TBCCD1: variants seen among roughly 807,000 people sequenced by gnomAD.
TBCCD1 encodes TBCC domain-containing protein 1.
TBCCD1 carries 26 observed loss-of-function variants against 53.4 expected under a neutral mutation model. The observed-to-expected ratio is 0.49, with a 90% CI of 0.36 to 0.68. TBCCD1 has a LOEUF of 0.68. Among genes scored for constraint, TBCCD1 ranks in the 30% least tolerant of loss-of-function variants. The pLI, the probability that TBCCD1 is intolerant of heterozygous loss-of-function variation, is 0.00. For missense variants in TBCCD1, 558 were observed against 669.5 expected (o/e 0.83, Z 1.84); for synonymous variants, 245 against 241.7 (o/e 1.01, Z -0.13).
At chr3:186,559,807 G>A (rs1237271110) in intron 2 of TBCCD1, among the ~76,000 whole-genome samples, 2 of 152,084 alleles carry the variant, frequency 1.3e-5, no homozygotes, top group Non-Finnish European at 2.9e-5. Flanking sequence ...TACCCGCCTT[G>A]CCAAACTATA....
intron 7 of TBCCD1, among the ~76,000 whole-genome samples, chr3:186,550,027 G>C (rs760628964): frequency 6.6e-6 from 1 of 151,998 alleles, no homozygotes; most frequent in African/African-American, 2.4e-5. Flanking sequence ...AGGAGTTCAA[G>C]ATCAGCCCAG....
In TBCCD1 at chr3:186,556,525, G is replaced by C. The variant is rs1280690593; in HGVS notation, c.743C>G (p.Ser248Cys). 6.2e-6 allele frequency: 10 copies of C among 1,612,880 alleles called. No individual in the cohort carries two copies. The highest frequency in any genetic ancestry group is 8.5e-6 in the Non-Finnish European group (10 of 1,179,816). The change falls in exon 4 of 8, where the codon TCT becomes TGT. Residue 248 changes from serine to cysteine, a missense_variant. Physicochemically the swap from Ser to Cys is moderately radical, Grantham distance 112 (BLOSUM62 -1). Transcript: ENST00000338733. ...CAGTTTGTAGAAAGAGAAAGTCTTAGAGATCTTTGAGAAGCCACTATCTGC... is the reference window on the plus strand; with the variant it reads ...CAGTTTGTAGAAAGAGAAAGTCTTACAGATCTTTGAGAAGCCACTATCTGC... ...LHADSGFSKI[S>C]KTFSFYKLET...
intron 7 of TBCCD1, among the ~76,000 whole-genome samples, chr3:186,547,367 C>G (rs1238941630): frequency 2.0e-5 from 3 of 151,714 alleles, no homozygotes; most frequent in Non-Finnish European, 4.4e-5. Context: ...AAGAGATCCT[C>G]CAGTCTGTGT....
At chr3:186,549,836 C>T (rs1714318219) in intron 7 of TBCCD1, among the ~76,000 whole-genome samples, 1 of 152,156 alleles carries the variant, frequency 6.6e-6, no homozygotes, top group Non-Finnish European at 1.5e-5. Context: ...TAGTATTTTA[C>T]ATTTCTTTAA....
intron 4 of TBCCD1, 42 bp downstream of exon 4, chr3:186,556,362 CTTAAG>C (rs773088598): frequency 3.8e-6 from 6 of 1,561,804 alleles, no homozygotes; most frequent in East Asian, 4.6e-5. Flanking sequence ...CACTAGGTTC[CTTAAG>C]TTGTCATTCA....
At position 186,558,423 on chromosome 3, in the gene TBCCD1, ATG is replaced by A; in HGVS notation, c.484_485del (p.His162Ter). Reference sequence around the variant, plus strand: ...ATCAAGATATAAGGAGTACCTTATTATGACAATTAGATTTTTCAGTCAGGTCA... The same window carrying A: ...ATCAAGATATAAGGAGTACCTTATTAACAATTAGATTTTTCAGTCAGGTCA... ...SPDLTEKSNC[H>X]NKNWNDYSHQ... On this transcript the variant is annotated frameshift_variant, in exon 3 of 8. Transcript: ENST00000338733. LOFTEE classifies it high-confidence loss of function. The A allele has an allele frequency of 6.2e-7, 1 of 1,613,942 alleles. No homozygotes were observed. Among genetic ancestry groups the A allele is most frequent in the Non-Finnish European group, 8.5e-7 (1 of 1,179,962 alleles).
rs1426317136 is a variant in TBCCD1, at chr3:186,554,967, G to C, written c.977C>G (p.Thr326Ser). The C allele has an allele frequency of 8.1e-6, 13 of 1,613,848 alleles. No individual in the cohort carries two copies. Among genetic ancestry groups the C allele is most frequent in the African/African-American group, 1.3e-5 (1 of 74,920 alleles). The change falls in exon 5 of 8, where the codon ACT (threonine) becomes AGT (serine). Residue 326 changes from threonine to serine, a missense_variant. Physicochemically the swap from Thr to Ser is moderately conservative, Grantham distance 58 (BLOSUM62 1). Coordinates refer to ENST00000338733, the MANE Select transcript of TBCCD1 (RefSeq NM_018138.5). ...AATCTTTACATGTGCCCCCGCCAGA[G>C]TGTCTGAGCTCTTAGCCAGTGTCTG... is the stretch of plus-strand genomic sequence containing the variant. ...YKQTLAKSSD[T>S]LAGAHVKIHR...
At chr3:186,567,489 G>C (rs1462622343), upstream of TBCCD1, 1 of 152,158 alleles carries the variant, frequency 6.6e-6, no homozygotes. Flanking sequence ...GTCCGCAACA[G>C]TGGCACCTGG....
chr3:186,570,305 A>G, upstream of TBCCD1: 2 of 543,358 alleles, frequency 3.7e-6, no homozygotes, highest in Non-Finnish European at 6.6e-6. Flanking sequence ...TTCGGAGCGT[A>G]GCTGGGTATG....
rs756948477 is a variant in TBCCD1, at chr3:186,555,136, C to G, written c.860-52G>C. The G allele has an allele frequency of 1.5e-5, 23 of 1,523,806 alleles. No individual in the cohort carries two copies. In the South Asian group the frequency reaches 2.5e-4, roughly 17 times the overall value. The allele number at this position is 1,523,806 out of a possible 1,614,324, so 94.4% of individuals were successfully genotyped here. ...GAGGCAGTATCAAATCAAAGAAAAACAAACAAACATATGAGGTTACACGTC... is the reference window on the plus strand; with the variant it reads ...GAGGCAGTATCAAATCAAAGAAAAAGAAACAAACATATGAGGTTACACGTC... On this transcript the variant is annotated intron_variant, in intron 4 of 7. Coordinates refer to ENST00000338733, the MANE Select transcript of TBCCD1 (RefSeq NM_018138.5).
In TBCCD1 at chr3:186,564,268, T is replaced by A. The variant is rs1714766200; in HGVS notation, c.62A>T (p.Gln21Leu). The part of the protein sequence containing the change: ...KAEPFIVGAL[Q>L]VPPPSKFSLH... ...ACTAAACTTGGATGGAGGGGGGACC[T>A]GCAAGGCACCCACTATAAAGGGTTC... The change falls in exon 2 of 8, where the codon CAG becomes CTG. Residue 21 changes from glutamine (Q) to leucine (L), a missense_variant. Coordinates refer to ENST00000338733, the MANE Select transcript of TBCCD1 (RefSeq NM_018138.5). The A allele has an allele frequency of 1.2e-6, 2 of 1,614,194 alleles. No homozygotes were observed. The highest frequency in any genetic ancestry group is 1.7e-6 in the Non-Finnish European group (2 of 1,180,030).
chr3:186,570,284 C>T (rs1413569808), upstream of TBCCD1: 1 of 559,232 alleles, frequency 1.8e-6, no homozygotes, highest in Non-Finnish European at 3.2e-6. Flanking sequence ...CGCTGTACCT[C>T]TGCTCCCTCA....
At chr3:186,562,804 C>T (rs1714725231) in intron 2 of TBCCD1, among the ~76,000 whole-genome samples, 2 of 151,940 alleles carry the variant, frequency 1.3e-5, no homozygotes, top group Admixed American at 1.3e-4. Flanking sequence ...TATACTTATC[C>T]CCAAACTGAT....
In TBCCD1 at chr3:186,563,980, A is replaced by C; in HGVS notation, c.336+14T>G. 1 of 1,586,376 alleles carries C rather than the reference A, an allele frequency of 6.3e-7. No individual in the cohort carries two copies. The highest frequency in any genetic ancestry group is 1.4e-5 in the African/African-American group (1 of 74,032). On this transcript the variant is annotated intron_variant, in intron 2 of 7. Coordinates refer to ENST00000338733, the MANE Select transcript of TBCCD1 (RefSeq NM_018138.5). Reference sequence around the variant, plus strand: ...TCCAAAAGTAATTAAGTATACACACATATCAATCCGTACCTGATTTCTCTG... The same window carrying C: ...TCCAAAAGTAATTAAGTATACACACCTATCAATCCGTACCTGATTTCTCTG...
chr3:186,557,659 T>C (rs1007771846), intron 3 of TBCCD1, among the ~76,000 whole-genome samples: 10 of 152,082 alleles, frequency 6.6e-5, no homozygotes, highest in Admixed American at 6.6e-4. Context: ...AATAGCTGCT[T>C]GTAAGGGCCA....
intron 6 of TBCCD1, among the ~76,000 whole-genome samples, chr3:186,552,568 G>C (rs1004796770): frequency 6.6e-6 from 1 of 152,086 alleles, no homozygotes; most frequent in African/African-American, 2.4e-5. Flanking sequence ...TACAATTATA[G>C]TTTTAGCTCT....
At chr3:186,548,202 G>A (rs896883532) in intron 7 of TBCCD1, among the ~76,000 whole-genome samples, 9 of 152,196 alleles carry the variant, frequency 5.9e-5, no homozygotes, top group Admixed American at 3.9e-4. Context: ...AAAGAATGCA[G>A]TACTGATACA....
intron 1 of TBCCD1, among the ~76,000 whole-genome samples, chr3:186,566,567 C>T (rs1210210614): frequency 6.6e-6 from 1 of 152,158 alleles, no homozygotes; most frequent in Non-Finnish European, 1.5e-5. Context: ...ACTTAGCTGG[C>T]ACAGCTCTAG....
chr3:186,568,695 G>A (rs1714905933), upstream of TBCCD1, among the ~76,000 whole-genome samples: 3 of 152,098 alleles, frequency 2.0e-5, no homozygotes, highest in South Asian at 6.2e-4. Flanking sequence ...GAGGTCAGGA[G>A]TTCGAGACCA....
Sources: gnomAD v4.1 joint callset for allele counts (sites outside exome capture counted in the v4.1 genomes callset) on GRCh38, gnomAD v4.1.1 for gene constraint, MANE v1.5 for transcripts, NCBI Gene and HGNC (gene_info 2026-07-23, HGNC 2026-07-21) for gene names.